ADGRB1: variants seen among roughly 807,000 people sequenced by gnomAD.
ADGRB1 encodes brain-specific angiogenesis inhibitor 1.
ADGRB1 carries 36 observed loss-of-function variants against 175.7 expected under a neutral mutation model. The ratio of observed to expected loss-of-function variants is 0.20; its 90% CI spans 0.16 to 0.27. The LOEUF is 0.27. Ranked by LOEUF, ADGRB1 falls within the 10% of genes least tolerant of loss-of-function variation. The probability of loss-of-function intolerance (pLI) is 1.00; values close to 1 mark genes in which losing one functional copy is unlikely to be tolerated. For synonymous variants in ADGRB1, 1,054 were observed against 979.4 expected, an observed-to-expected ratio of 1.08 and a Z score of -1.42; for missense variants, 1,731 against 2,255.3, an observed-to-expected ratio of 0.77 and a Z score of 4.71.
At chr8:142,475,392 G>C (rs1023707690) in intron 2 of ADGRB1, 82 bp from the exon 3 acceptor site, 2 of 1,226,080 alleles carry the variant, frequency 1.6e-6, no homozygotes, top group East Asian at 3.1e-5. Flanking sequence ...CGGCCTCGGC[G>C]GGCTTAGCAC....
chr8:142,541,922 T>A lies in ADGRB1; in HGVS notation c.3707-19T>A. The A allele has an allele frequency of 2.6e-6, 4 of 1,529,064 alleles. No individual in the cohort carries two copies. Among genetic ancestry groups the A allele is most frequent in the Non-Finnish European group, 3.5e-6 (4 of 1,140,062 alleles). The allele number at this position is 1,529,064 out of a possible 1,614,324, so 94.7% of individuals were successfully genotyped here. On this transcript the variant is annotated intron_variant, in intron 27 of 30. Coordinates refer to ENST00000517894, the MANE Select transcript of ADGRB1 (RefSeq NM_001702.3). ...CACCCCCACACCTGTCCCCGCTGTC[T>A]CCCCCGCGGCCCCTGCAGTGCTGAA...
At chr8:142,479,922 C>T (rs1013249993) in intron 9 of ADGRB1, 128 bp downstream of exon 9, 34 of 1,064,310 alleles carry the variant, frequency 3.2e-5, no homozygotes, top group African/African-American at 6.4e-5. Context: ...CGTGTGCTGG[C>T]GCGGGGTGGT....
chr8:142,481,160 G>A (rs1279569150), intron 9 of ADGRB1, 94 bp from the exon 10 acceptor site: 6 of 1,173,914 alleles, frequency 5.1e-6, no homozygotes, highest in Non-Finnish European at 7.6e-6. Context: ...GGGGGCCACA[G>A]GGTCCCTTCC....
At chr8:142,536,008 G>A (rs968824437) in intron 25 of ADGRB1, among the ~76,000 whole-genome samples, 4 of 152,170 alleles carry the variant, frequency 2.6e-5, no homozygotes, top group Non-Finnish European at 5.9e-5. Context: ...TCTGCCTGAT[G>A]AGAGGGGTGG....
intron 1 of ADGRB1, 94 bp downstream of exon 1, chr8:142,450,198 C>G (rs2131595517): frequency 6.6e-6 from 1 of 151,872 alleles, no homozygotes; most frequent in South Asian, 2.1e-4. Context: ...GCCCAGACTT[C>G]CTAACTTCGC....
chr8:142,466,684 C>T (rs917566809), intron 2 of ADGRB1, among the ~76,000 whole-genome samples: 1 of 152,156 alleles, frequency 6.6e-6, no homozygotes, highest in African/African-American at 2.4e-5. Context: ...TGTGGTGTGG[C>T]AGGGATGAGT....
chr8:142,483,940 G>A (rs777177183), intron 11 of ADGRB1, 37 bp from the exon 12 acceptor site: 39 of 1,610,244 alleles, frequency 2.4e-5, no homozygotes, highest in Admixed American at 3.4e-5. Flanking sequence ...TTTGTGCCCT[G>A]TTCTCTGTCA....
rs1433877442 is a variant in ADGRB1 at position 142,493,854 on chromosome 8, G to T, written c.2675+3039G>T. Among the ~76,000 whole-genome samples the T allele has an allele frequency of 6.6e-6, 1 of 152,184 alleles. No homozygotes were observed. Among genetic ancestry groups the T allele is most frequent in the African/African-American group, 2.4e-5 (1 of 41,440 alleles). Reference sequence around the variant, plus strand: ...CCTCCCCTCCACTCTGAGTTGGATGGCACCTCCCTTGACTGCTGCAGGGGC... The same window carrying T: ...CCTCCCCTCCACTCTGAGTTGGATGTCACCTCCCTTGACTGCTGCAGGGGC... On this transcript the variant is annotated intron_variant, in intron 17 of 30. Transcript: ENST00000517894. This position sits in a 1 kb window ranked among gnomAD's most constrained non-coding sequence, Gnocchi z 5.0.
At chr8:142,457,303 G>C (rs78451724) in intron 1 of ADGRB1, among the ~76,000 whole-genome samples, 4,592 of 152,318 alleles carry the variant, frequency 0.03, 124 homozygotes, top group East Asian at 0.076. Flanking sequence ...TGCAGGTGGG[G>C]GGTCAGATGA....
chr8:142,525,502 C>T (rs1355041660), intron 23 of ADGRB1, among the ~76,000 whole-genome samples: 1 of 152,304 alleles, frequency 6.6e-6, no homozygotes, highest in Middle Eastern at 3.4e-3. Flanking sequence ...AGTGGTCCGT[C>T]ACTGGTGTCC....
At chr8:142,523,465 A>G (rs1274886046) in intron 22 of ADGRB1, among the ~76,000 whole-genome samples, 1 of 151,684 alleles carries the variant, frequency 6.6e-6, no homozygotes, top group African/African-American at 2.4e-5. Flanking sequence ...ACCCCCTTGG[A>G]GCACTGCCCT....
chr8:142,475,525 G>A lies in ADGRB1; in HGVS notation c.836G>A (p.Gly279Glu). ...LWGECTRDCG[G>E]GLQTRTRTCL... ...GGCGAATGCACGCGGGACTGCGGGG[G>A]AGGCCTCCAGACGCGGACGCGCACC... The change falls in exon 3 of 31, where the codon GGA becomes GAA. Residue 279 changes from glycine to glutamate, a missense_variant. Physicochemically the swap from Gly to Glu is moderately conservative, Grantham distance 98 (BLOSUM62 -2). Around this residue, in one of 8 missense-constraint regions of ADGRB1, gnomAD observed 178 missense variants for 227.8 expected, o/e 0.78. Transcript: ENST00000517894. 1 of 1,293,502 alleles carries A rather than the reference G, an allele frequency of 7.7e-7. No homozygotes were observed. Among genetic ancestry groups the A allele is most frequent in the Non-Finnish European group, 9.8e-7 (1 of 1,019,976 alleles). The allele number at this position is 1,293,502 out of a possible 1,614,324, so 80.1% of individuals were successfully genotyped here.
intron 1 of ADGRB1, among the ~76,000 whole-genome samples, chr8:142,462,567 A>C (rs150472956): frequency 1.1e-3 from 164 of 152,304 alleles, no homozygotes; most frequent in African/African-American, 3.9e-3. Context: ...CTCTGCCTAC[A>C]AGGCTGTGCA....
rs1247094881 is a variant in ADGRB1, at chr8:142,543,911, C to T, written c.4557+203C>T. On this transcript the variant is annotated intron_variant, in intron 30 of 30. Transcript: ENST00000517894. The surrounding 1 kb of genome is among the most constrained non-coding windows in gnomAD (Gnocchi z 4.4). ...GGCCATGGCCATACTGGGAGCTGAG[C>T]GGTCACGAGCCTGCTCCTGGGGCCA... Among the ~76,000 whole-genome samples the T allele has an allele frequency of 6.6e-6, 1 of 152,144 alleles. No homozygotes were observed.
rs1048129192 is a variant in ADGRB1 at position 142,474,944 on chromosome 8, C to A, written c.785-530C>A. Among the ~76,000 whole-genome samples, 33 of 152,234 alleles carry A rather than the reference C, an allele frequency of 2.2e-4. No homozygotes were observed. Among genetic ancestry groups the A allele is most frequent in the African/African-American group, 7.0e-4 (29 of 41,536 alleles). On this transcript the variant is annotated intron_variant, in intron 2 of 30. Coordinates refer to ENST00000517894, the MANE Select transcript of ADGRB1 (RefSeq NM_001702.3). The surrounding 1 kb of genome is among the most constrained non-coding windows in gnomAD (Gnocchi z 5.8). ...TGAGGCCTTGATCACCACTGGTATA[C>A]CTGCGTGGGGTGAAGAAGCGGCTCC...
chr8:142,458,185 G>A (rs111888973), intron 1 of ADGRB1, among the ~76,000 whole-genome samples: 10 of 152,328 alleles, frequency 6.6e-5, no homozygotes, highest in African/African-American at 9.6e-5. Flanking sequence ...ACTGGACCCA[G>A]AGCGGGCATG....
In ADGRB1 at chr8:142,488,978, A is replaced by G. The variant is rs1841846915; in HGVS notation, c.2453-57A>G. The G allele has an allele frequency of 3.8e-6, 6 of 1,573,534 alleles. No homozygotes were observed. The South Asian group carries it at 6.9e-5, about 18-fold the overall frequency. ...CAGCGGGGTCCAGGCCAGGCTGCCA[A>G]GTCCCACCCTGGCTGTGGGGATGGC... On this transcript the variant is annotated intron_variant, in intron 14 of 30. Coordinates refer to ENST00000517894, the MANE Select transcript of ADGRB1 (RefSeq NM_001702.3).
intron 18 of ADGRB1, among the ~76,000 whole-genome samples, chr8:142,516,169 AGCCCCAGGTGCGTGCGTGTGTGGGG>A (rs1483358833): frequency 9.1e-6 from 1 of 110,216 alleles, no homozygotes; most frequent in Non-Finnish European, 1.9e-5. Context: ...CGTGTGTGGG[AGCCCCAGGTGCGTGCGTGTGTGGGG>A]GCCCCAGGTG....
rs1457578267 is a variant in ADGRB1 at position 142,500,717 on chromosome 8, T to C, written c.2675+9902T>C. Among the ~76,000 whole-genome samples the C allele has an allele frequency of 2.0e-5, 3 of 151,782 alleles. No individual in the cohort carries two copies. The East Asian group carries it at 5.9e-4, about 30-fold the overall frequency. On this transcript the variant is annotated intron_variant, in intron 17 of 30. Transcript: ENST00000517894. ...CTGAAGGATGTGGGAAGGCAGGATA[T>C]GAGGTAGACAAAGGGAAGGACTTCC...
Sources: allele counts gnomAD v4.1 joint callset (sites outside exome capture counted in the v4.1 genomes callset), GRCh38; gene constraint gnomAD v4.1.1; regional missense constraint gnomAD v4.1.1; non-coding constraint Gnocchi (gnomAD v3.1); transcripts MANE v1.5; gene names NCBI Gene and HGNC (gene_info 2026-07-23, HGNC 2026-07-21).